CDH18: variants seen among roughly 807,000 people sequenced by gnomAD.
CDH18 encodes cadherin 18.
Under a neutral mutation model 67.9 loss-of-function variants are expected in CDH18, and 31 were observed. That is an observed-to-expected ratio of 0.46 (90% CI 0.34 to 0.62). The LOEUF is 0.62. Among genes scored for constraint, CDH18 ranks in the 20% least tolerant of loss-of-function variants. The pLI is 0.01. For missense variants in CDH18, 890 were observed against 975.5 expected (o/e 0.91, Z 1.17); for synonymous variants, 362 against 347.2 (o/e 1.04, Z -0.48).
At chr5:19,604,176 C>A (rs1313882878) in intron 6 of CDH18, among the ~76,000 whole-genome samples, 2 of 152,056 alleles carry the variant, frequency 1.3e-5, no homozygotes, top group Non-Finnish European at 2.9e-5. Flanking sequence ...TCCTCCAGGA[C>A]AGCACTGATT....
chr5:20,262,598 CTGAAACTATTTTTGTAATAATCAAA>C (rs1358436778), intron 1 of CDH18, among the ~76,000 whole-genome samples: 7 of 152,038 alleles, frequency 4.6e-5, no homozygotes, highest in Admixed American at 2.0e-4. Flanking sequence ...GTGTTCGAGG[CTGAAACTATTTTTGTAATAATCAAA>C]TGATGTATTT....
intron 2 of CDH18, among the ~76,000 whole-genome samples, chr5:20,246,873 C>T (rs1471836086): frequency 2.0e-5 from 3 of 152,130 alleles, no homozygotes. Flanking sequence ...TATTTTTATG[C>T]ATAACATGAA....
At chr5:20,535,203 T>C (rs1756642571) in intron 1 of CDH18, among the ~76,000 whole-genome samples, 1 of 152,114 alleles carries the variant, frequency 6.6e-6, no homozygotes, top group African/African-American at 2.4e-5. Context: ...AATTAATTCC[T>C]TGTGGTTGTA....
chr5:20,168,542 T>C (rs1736467834), intron 2 of CDH18, among the ~76,000 whole-genome samples: 1 of 152,140 alleles, frequency 6.6e-6, no homozygotes, highest in South Asian at 2.1e-4. Context: ...GAATTCAAGA[T>C]GCATGATAAA....
chr5:19,489,206 A>G (rs1264251621), intron 11 of CDH18, among the ~76,000 whole-genome samples: 1 of 151,562 alleles, frequency 6.6e-6, no homozygotes, highest in Non-Finnish European at 1.5e-5. Flanking sequence ...ATAATCTCCG[A>G]GGAGATTAGT....
intron 3 of CDH18, among the ~76,000 whole-genome samples, chr5:19,789,029 C>A (rs1776096950): frequency 6.6e-6 from 1 of 152,134 alleles, no homozygotes; most frequent in Admixed American, 6.5e-5. Context: ...AGCATGCATG[C>A]CATCTTCTCC....
intron 1 of CDH18, among the ~76,000 whole-genome samples, chr5:20,367,887 T>C (rs973065019): frequency 6.6e-6 from 1 of 152,216 alleles, no homozygotes; most frequent in African/African-American, 2.4e-5. Flanking sequence ...TAGAGGAGTG[T>C]TTTCAACTCT....
chr5:19,654,598 C>T (rs1205275787), intron 5 of CDH18, among the ~76,000 whole-genome samples: 2 of 152,102 alleles, frequency 1.3e-5, no homozygotes, highest in Non-Finnish European at 2.9e-5. Context: ...GCCTACGACT[C>T]CTGAAGCTCC....
rs150636714 is a variant in CDH18 at position 20,001,178 on chromosome 5, T to C, written c.-517-9164A>G. Among the ~76,000 whole-genome samples the C allele has an allele frequency of 6.2e-3, 951 of 152,322 alleles. 6 individuals are homozygous for C. The highest frequency in any genetic ancestry group is 9.1e-3 in the Non-Finnish European group (620 of 68,026). On this transcript the variant is annotated intron_variant, in intron 2 of 14. Coordinates refer to the CDH18 transcript ENST00000507958. The stretch of plus-strand genomic sequence containing the variant: ...GAAGCTTGATCTTCATTTGAGAATG[T>C]GTGATTAGCTATGCTTTACCATTTC...
At chr5:20,409,517 G>A (rs1337545567) in intron 1 of CDH18, among the ~76,000 whole-genome samples, 5 of 151,624 alleles carry the variant, frequency 3.3e-5, no homozygotes, top group African/African-American at 1.2e-4. Context: ...TGTTGTAAAA[G>A]CAGTACTAAG....
chr5:20,329,001 A>G (rs985771135), intron 1 of CDH18, among the ~76,000 whole-genome samples: 3 of 152,072 alleles, frequency 2.0e-5, no homozygotes, highest in Non-Finnish European at 4.4e-5. Context: ...CCCCCCAAAA[A>G]CCAATTTTGC....
At chr5:19,522,597 A>G (rs1340434024) in intron 9 of CDH18, among the ~76,000 whole-genome samples, 1 of 152,154 alleles carries the variant, frequency 6.6e-6, no homozygotes, top group Non-Finnish European at 1.5e-5. Context: ...AAGAAGAGGA[A>G]TAAAGCAGAA....
chr5:20,092,156 T>C (rs1429317627), intron 2 of CDH18, among the ~76,000 whole-genome samples: 3 of 152,144 alleles, frequency 2.0e-5, no homozygotes, highest in African/African-American at 7.2e-5. Flanking sequence ...CTTGACAAAG[T>C]ACCTGGCAAT....
chr5:20,330,069 T>TA (rs1414881017), intron 1 of CDH18, among the ~76,000 whole-genome samples: 2 of 152,084 alleles, frequency 1.3e-5, no homozygotes, highest in Non-Finnish European at 2.9e-5. Flanking sequence ...TAAAATAAAG[T>TA]AAAAAATATA....
At chr5:20,313,535 G>T (rs753069828) in intron 1 of CDH18, among the ~76,000 whole-genome samples, 13 of 151,954 alleles carry the variant, frequency 8.6e-5, no homozygotes, top group Admixed American at 3.3e-4. Context: ...AATTATTGAA[G>T]ATTAGATTTG....
At chr5:20,171,747 T>G (rs750362673) in intron 2 of CDH18, among the ~76,000 whole-genome samples, 5 of 152,054 alleles carry the variant, frequency 3.3e-5, no homozygotes, top group Non-Finnish European at 7.4e-5. Context: ...AATTTTTCCT[T>G]TTTTTGCACT....
chr5:20,073,634 G>A (rs1483137611), intron 2 of CDH18, among the ~76,000 whole-genome samples: 2 of 151,944 alleles, frequency 1.3e-5, no homozygotes, highest in African/African-American at 4.8e-5. Flanking sequence ...CAAAGCATAA[G>A]CTACTTATAT....
chr5:19,712,384 T>C (rs1764809854), intron 5 of CDH18, among the ~76,000 whole-genome samples: 1 of 151,962 alleles, frequency 6.6e-6, no homozygotes, highest in African/African-American at 2.4e-5. Context: ...GTAACATCTA[T>C]GGTATTGAAG....
At chr5:20,443,218 A>AAAAAAAAAAAG (rs1749760632) in intron 1 of CDH18, among the ~76,000 whole-genome samples, 1 of 149,378 alleles carries the variant, frequency 6.7e-6, no homozygotes, top group Non-Finnish European at 1.5e-5. Flanking sequence ...ACAAAAAAAA[A>AAAAAAAAAAAG]AAAAAAAAAA....
Sources: gnomAD v4.1 joint callset for allele counts (sites outside exome capture counted in the v4.1 genomes callset) on GRCh38, gnomAD v4.1.1 for gene constraint, MANE v1.5 for transcripts, NCBI Gene and HGNC (gene_info 2026-07-23, HGNC 2026-07-21) for gene names.